Variants in CDH4 observed in about 807,000 individuals in gnomAD.
CDH4 encodes cadherin 4.
In CDH4, 33 loss-of-function variants were observed where a neutral mutation model predicts 86.0. That is an observed-to-expected ratio of 0.38 (90% CI 0.29 to 0.51). The LOEUF (loss-of-function observed/expected upper bound fraction) is 0.51. Among genes scored for constraint, CDH4 ranks in the 20% least tolerant of loss-of-function variants. CDH4 has a pLI of 0.86. For synonymous variants in CDH4, 555 were observed against 549.4 expected, an observed-to-expected ratio of 1.01 and a Z score of -0.14; for missense variants, 1,114 against 1,307.4, an observed-to-expected ratio of 0.85 and a Z score of 2.28.
intron 3 of CDH4, among the ~76,000 whole-genome samples, chr20:61,768,121 G>A (rs73915400): frequency 0.011 from 1,721 of 152,286 alleles, 27 homozygotes; most frequent in African/African-American, 0.038. Flanking sequence ...GTCAGGATGC[G>A]GGGAGTGGGT....
intron 2 of CDH4, among the ~76,000 whole-genome samples, chr20:61,305,211 C>A (rs1245020179): frequency 1.3e-5 from 2 of 151,974 alleles, no homozygotes; most frequent in Non-Finnish European, 2.9e-5. Flanking sequence ...TATAAACCTG[C>A]CTTTTTGTTT....
At chr20:61,864,012 CA>C (rs1441590128) in intron 6 of CDH4, among the ~76,000 whole-genome samples, 3 of 152,250 alleles carry the variant, frequency 2.0e-5, no homozygotes, top group Non-Finnish European at 2.9e-5. Context: ...TGACCTTATT[CA>C]AAAATAGTTC....
At chr20:61,843,188 C>T (rs930232209) in intron 4 of CDH4, among the ~76,000 whole-genome samples, 5 of 151,348 alleles carry the variant, frequency 3.3e-5, no homozygotes, top group Middle Eastern at 6.8e-3. Context: ...CGGTGGCTCA[C>T]GCCTGTAATC....
At chr20:61,296,419 CACTTCAG>C (rs1345830251) in intron 2 of CDH4, among the ~76,000 whole-genome samples, 1 of 151,858 alleles carries the variant, frequency 6.6e-6, no homozygotes, top group African/African-American at 2.4e-5. Context: ...ACAGAATACA[CACTTCAG>C]GCAGGGCTGG....
chr20:61,451,043 T>C (rs973736487), intron 2 of CDH4, among the ~76,000 whole-genome samples: 6 of 152,164 alleles, frequency 3.9e-5, no homozygotes, highest in African/African-American at 1.4e-4. Flanking sequence ...GAGAGGGGCC[T>C]GGAGGCTCAA....
Position 61,663,745 on chromosome 20 carries a change from G to A in CDH4, c.170-79818G>A, listed in dbSNP as rs569520904. Among the ~76,000 whole-genome samples, 1 of 151,676 alleles carries A rather than the reference G, an allele frequency of 6.6e-6. No homozygotes were observed. Among genetic ancestry groups the A allele is most frequent in the Admixed American group, 6.6e-5 (1 of 15,262 alleles). On this transcript the variant is annotated intron_variant, in intron 2 of 15. Transcript: ENST00000614565. This position sits in a 1 kb window ranked among gnomAD's most constrained non-coding sequence, Gnocchi z 5.0. Reference sequence around the variant, plus strand: ...AGAACCAGGCAGGGCTGACAGACGCGGGGTCGGGGGAAGATCAGGAGCTCC... The same window carrying A: ...AGAACCAGGCAGGGCTGACAGACGCAGGGTCGGGGGAAGATCAGGAGCTCC...
intron 2 of CDH4, among the ~76,000 whole-genome samples, chr20:61,678,188 T>C (rs189121880): frequency 6.6e-6 from 1 of 152,022 alleles, no homozygotes; most frequent in Admixed American, 6.5e-5. Flanking sequence ...GATACATAGA[T>C]AGATGCATGC....
At position 61,900,117 on chromosome 20, in the gene CDH4, G is replaced by C. The variant is rs1001436166; in HGVS notation, c.1188+5070G>C. ...GCTACTGGCCAGCCTCAGCGGGGGG[G>C]ACTGGCTGGGCTGACCCAGGGCAGC... On this transcript the variant is annotated intron_variant, in intron 8 of 15. Transcript: ENST00000614565. 2.6e-5 allele frequency among the ~76,000 whole-genome samples: 4 copies of C among 152,318 alleles called. No homozygotes were observed. The South Asian group carries it at 8.3e-4, about 32-fold the overall frequency.
intron 2 of CDH4, among the ~76,000 whole-genome samples, chr20:61,334,605 T>C (rs1193594601): frequency 6.6e-6 from 1 of 152,204 alleles, no homozygotes; most frequent in Non-Finnish European, 1.5e-5. Flanking sequence ...CTCTGATAAG[T>C]GCACTAATCC....
intron 2 of CDH4, among the ~76,000 whole-genome samples, chr20:61,263,378 C>A (rs928481199): frequency 4.6e-5 from 7 of 152,164 alleles, no homozygotes; most frequent in African/African-American, 1.7e-4. Context: ...ATTTAATTAT[C>A]TTTGACCCAG....
intron 2 of CDH4, among the ~76,000 whole-genome samples, chr20:61,547,130 T>G (rs182279141): frequency 2.2e-3 from 330 of 147,396 alleles, no homozygotes; most frequent in Non-Finnish European, 4.3e-3. Flanking sequence ...TCCATCAAAC[T>G]CCCCAAGACC....
At chr20:61,898,439 G>A (rs1243284302) in intron 8 of CDH4, among the ~76,000 whole-genome samples, 1 of 152,244 alleles carries the variant, frequency 6.6e-6, no homozygotes, top group Non-Finnish European at 1.5e-5. Context: ...TGCGCTAGAA[G>A]CTGGTGGCCA....
intron 2 of CDH4, among the ~76,000 whole-genome samples, chr20:61,589,565 C>T (rs1212902516): frequency 6.6e-6 from 1 of 152,144 alleles, no homozygotes; most frequent in East Asian, 1.9e-4. Flanking sequence ...CCACAAGAAC[C>T]ATCCAAAGCT....
At chr20:61,717,163 A>G (rs116690562) in intron 2 of CDH4, among the ~76,000 whole-genome samples, 1,779 of 152,234 alleles carry the variant, frequency 0.012, 42 homozygotes, top group African/African-American at 0.041. Context: ...TGAGTAAAGC[A>G]CTCAACATGC....
At chr20:61,608,946 C>T (rs1253330240) in intron 2 of CDH4, among the ~76,000 whole-genome samples, 1 of 152,160 alleles carries the variant, frequency 6.6e-6, no homozygotes, top group Non-Finnish European at 1.5e-5. Context: ...ATCAAGACTG[C>T]CCTGTCGAGG....
At chr20:61,864,946 C>T (rs1880377786) in intron 6 of CDH4, among the ~76,000 whole-genome samples, 2 of 152,204 alleles carry the variant, frequency 1.3e-5, no homozygotes, top group South Asian at 4.1e-4. Flanking sequence ...TCTCTCCAGT[C>T]TGCTGTGCAG....
intron 4 of CDH4, 46 bp downstream of exon 4, chr20:61,773,228 A>G: frequency 6.8e-7 from 1 of 1,470,642 alleles, no homozygotes; most frequent in Non-Finnish European, 9.1e-7. Context: ...CGGCGTTAGC[A>G]GTAGGCTCTT....
chr20:61,752,957 T>C (rs1243290649), intron 3 of CDH4, among the ~76,000 whole-genome samples: 2 of 152,178 alleles, frequency 1.3e-5, no homozygotes, highest in African/African-American at 4.8e-5. Context: ...CTGCCATCAT[T>C]TTTTTAGCTG....
chr20:61,873,913 G>A lies in CDH4; in HGVS notation c.1050+13G>A. On this transcript the variant is annotated intron_variant, in intron 7 of 15. Coordinates refer to ENST00000614565, the MANE Select transcript of CDH4 (RefSeq NM_001794.5). ...CCTGGACCGAGAGGTGAGGCGGGGT[G>A]GGGTCTGCGTGCAGGCGGGTGAGCT... The A allele has an allele frequency of 6.2e-7, 1 of 1,611,780 alleles. No homozygotes were observed.
Sources: gnomAD v4.1 joint callset for allele counts (sites outside exome capture counted in the v4.1 genomes callset) on GRCh38, gnomAD v4.1.1 for gene constraint, Gnocchi (gnomAD v3.1) non-coding constraint, MANE v1.5 for transcripts, NCBI Gene and HGNC (gene_info 2026-07-23, HGNC 2026-07-21) for gene names.